The following RARB variants were observed in gnomAD, a reference collection of about 807,000 sequenced individuals.
RARB encodes the protein retinoic acid receptor beta, also known as HBV-activated protein.
Under a neutral mutation model 51.9 loss-of-function variants are expected in RARB, and 17 were observed. That is an observed-to-expected ratio of 0.33 (90% CI 0.22 to 0.49). The LOEUF (loss-of-function observed/expected upper bound fraction) is 0.49, where lower values mean the gene tolerates loss of function less well. Ranked by LOEUF, RARB falls within the 20% of genes least tolerant of loss-of-function variation. RARB has a pLI of 0.99. For missense variants in RARB, 369 were observed against 550.8 expected (o/e 0.67, Z 3.30); for synonymous variants, 215 against 195.4 (o/e 1.10, Z -0.84).
intron 2 of RARB, among the ~76,000 whole-genome samples, chr3:25,471,692 A>C (rs368637788): frequency 1.6e-4 from 25 of 152,180 alleles, no homozygotes; most frequent in East Asian, 1.2e-3. Context: ...TTAAACGTTC[A>C]GGAATGCTTG....
At chr3:25,451,099 G>A (rs1709174860) in intron 1 of RARB, among the ~76,000 whole-genome samples, 1 of 151,256 alleles carries the variant, frequency 6.6e-6, no homozygotes, top group African/African-American at 2.4e-5. Flanking sequence ...CTCCATCTCA[G>A]AAAAAAAACA....
At chr3:24,988,101 C>T (rs1446872165) in intron 2 of RARB, among the ~76,000 whole-genome samples, 1 of 152,120 alleles carries the variant, frequency 6.6e-6, no homozygotes, top group East Asian at 1.9e-4. Context: ...TCATATAACA[C>T]CCTTAACTAA....
rs189708886 is a variant in RARB at position 24,942,134 on chromosome 3, C to A, written c.-380+83382C>A. Reference sequence around the variant, plus strand: ...TTAAGTGACTTGTTCAAGGTCACACCGCTATTATGCGGTAAAACTGGGACT... The same window carrying A: ...TTAAGTGACTTGTTCAAGGTCACACAGCTATTATGCGGTAAAACTGGGACT... On this transcript the variant is annotated intron_variant, in intron 2 of 11. Transcript: ENST00000383772. Among the ~76,000 whole-genome samples, 8 of 152,280 alleles carry A rather than the reference C, an allele frequency of 5.3e-5. No homozygotes were observed. In the East Asian group the frequency reaches 1.5e-3, roughly 29 times the overall value.
chr3:25,003,004 T>C (rs1433333784), intron 2 of RARB, among the ~76,000 whole-genome samples: 2 of 152,122 alleles, frequency 1.3e-5, no homozygotes, highest in South Asian at 4.1e-4. Context: ...TGTAAAATTA[T>C]TTGAAGAGGT....
At chr3:24,939,301 G>A (rs1695610235) in intron 2 of RARB, among the ~76,000 whole-genome samples, 1 of 152,176 alleles carries the variant, frequency 6.6e-6, no homozygotes, top group South Asian at 2.1e-4. Flanking sequence ...GACTGTTTGA[G>A]TCCCTCCTTT....
At chr3:25,060,083 C>G (rs976828081) in intron 2 of RARB, 1 of 151,682 alleles carries the variant, frequency 6.6e-6, no homozygotes, top group Non-Finnish European at 1.5e-5. Flanking sequence ...TAAAATTGAA[C>G]AGGATTTGGA....
chr3:25,304,124 C>T (rs142884052), intron 5 of RARB, among the ~76,000 whole-genome samples: 3 of 152,232 alleles, frequency 2.0e-5, no homozygotes, highest in South Asian at 4.2e-4. Flanking sequence ...ATAGCTGAAC[C>T]CAAAACCCAA....
At chr3:25,027,893 A>G (rs1193511779) in intron 2 of RARB, among the ~76,000 whole-genome samples, 1 of 152,154 alleles carries the variant, frequency 6.6e-6, no homozygotes, top group Non-Finnish European at 1.5e-5. Context: ...GTGCTCTTGA[A>G]CAGGTCATTT....
Position 25,516,786 on chromosome 3 carries a change from C to T in RARB, c.448+15463C>T, listed in dbSNP as rs115865677. On this transcript the variant is annotated intron_variant, in intron 3 of 7. Coordinates refer to ENST00000330688, the MANE Select transcript of RARB (RefSeq NM_000965.5). ...GGATTATAAGCATACACCTCCACAC[C>T]CAACTAATTTTTGTATTTTTAGCAG... Among the ~76,000 whole-genome samples the T allele has an allele frequency of 1.6e-3, 236 of 152,122 alleles. 2 individuals are homozygous for T. The highest frequency in any genetic ancestry group is 5.6e-3 in the African/African-American group (234 of 41,470).
intron 5 of RARB, among the ~76,000 whole-genome samples, chr3:25,421,724 T>C (rs1315383840): frequency 6.6e-6 from 1 of 152,130 alleles, no homozygotes; most frequent in Admixed American, 6.5e-5. Flanking sequence ...ATTTCCTAAG[T>C]ACTTGTATTA....
chr3:25,260,252 T>C (rs1482610710), intron 5 of RARB, among the ~76,000 whole-genome samples: 1 of 152,108 alleles, frequency 6.6e-6, no homozygotes, highest in Non-Finnish European at 1.5e-5. Context: ...GCTTTGTTCA[T>C]AGACAAGAAA....
At chr3:24,868,563 A>G (rs2125347488) in intron 2 of RARB, among the ~76,000 whole-genome samples, 1 of 152,274 alleles carries the variant, frequency 6.6e-6, no homozygotes, top group East Asian at 1.9e-4. Context: ...TGAAAAATAT[A>G]GTTCAGGCCA....
intron 5 of RARB, among the ~76,000 whole-genome samples, chr3:25,297,314 A>T (rs948389301): frequency 5.3e-5 from 8 of 152,090 alleles, no homozygotes; most frequent in African/African-American, 1.9e-4. Flanking sequence ...AGAGGACAAA[A>T]GGAGCTTACA....
chr3:25,528,191 T>C (rs750289163), intron 3 of RARB, among the ~76,000 whole-genome samples: 1 of 151,536 alleles, frequency 6.6e-6, no homozygotes, highest in Non-Finnish European at 1.5e-5. Context: ...CACCATGGAG[T>C]TCAAGGAAGC....
At chr3:24,859,036 CAAAA>C (rs1169235713) in intron 2 of RARB, among the ~76,000 whole-genome samples, 660 of 50,244 alleles carry the variant, frequency 0.013, 2 homozygotes, top group African/African-American at 0.04. Flanking sequence ...GACTCTGTCT[CAAAA>C]AAAAAAAAAA....
chr3:25,135,941 AAAAG>A (rs1322376353), intron 4 of RARB, among the ~76,000 whole-genome samples: 1 of 100,080 alleles, frequency 1.0e-5, no homozygotes, highest in Non-Finnish European at 2.1e-5. Context: ...TTTCATTAAA[AAAAG>A]AAATATAAAA....
At chr3:25,100,568 A>G (rs1192454182) in intron 3 of RARB, among the ~76,000 whole-genome samples, 1 of 152,188 alleles carries the variant, frequency 6.6e-6, no homozygotes, top group Non-Finnish European at 1.5e-5. Flanking sequence ...TAACTAAGCA[A>G]ATAGGTTCAT....
chr3:25,041,831 T>C (rs1298602441), intron 2 of RARB, among the ~76,000 whole-genome samples: 1 of 152,156 alleles, frequency 6.6e-6, no homozygotes, highest in Non-Finnish European at 1.5e-5. Flanking sequence ...TTAATGAAAT[T>C]CTGAATTTTA....
intron 2 of RARB, among the ~76,000 whole-genome samples, chr3:24,858,965 A>C (rs1702684841): frequency 7.5e-6 from 1 of 132,680 alleles, no homozygotes; most frequent in African/African-American, 2.9e-5. Context: ...TGAACTGGGG[A>C]GGTGGAGGTT....
Sources: gnomAD v4.1 joint callset for allele counts (sites outside exome capture counted in the v4.1 genomes callset) on GRCh38, gnomAD v4.1.1 for gene constraint, MANE v1.5 for transcripts, NCBI Gene and HGNC (gene_info 2026-07-23, HGNC 2026-07-21) for gene names.